The following MARVELD2 variants were observed in gnomAD, a reference collection of about 807,000 sequenced individuals.
MARVELD2 encodes MARVEL domain-containing protein 2.
A neutral mutation model predicts 57.6 loss-of-function variants in MARVELD2; 49 were observed. That is an observed-to-expected ratio of 0.85 (90% CI 0.68 to 1.08). The LOEUF (loss-of-function observed/expected upper bound fraction) is 1.08, where lower values mean the gene tolerates loss of function less well. Ranked by LOEUF, MARVELD2 falls within the 50% of genes least tolerant of loss-of-function variation. The pLI, the probability that MARVELD2 is intolerant of heterozygous loss-of-function variation, is 0.00. For synonymous variants in MARVELD2, 238 were observed against 258.8 expected, an observed-to-expected ratio of 0.92 and a Z score of 0.77; for missense variants, 606 against 701.1, an observed-to-expected ratio of 0.86 and a Z score of 1.53.
At chr5:69,431,104 C>T (rs1766949272) in intron 3 of MARVELD2, among the ~76,000 whole-genome samples, 1 of 150,156 alleles carries the variant, frequency 6.7e-6, no homozygotes, top group Non-Finnish European at 1.5e-5. Flanking sequence ...CTCAACCTCA[C>T]TTCTTTTCTT....
intron 1 of MARVELD2, chr5:69,415,480 A>C (rs1040966961): frequency 6.6e-6 from 1 of 152,138 alleles, no homozygotes; most frequent in Non-Finnish European, 1.5e-5. Context: ...CTCCAAAGAC[A>C]GTGGGTTTCA....
At chr5:69,430,687 CCA>C (rs1766934172) in intron 3 of MARVELD2, among the ~76,000 whole-genome samples, 1 of 151,762 alleles carries the variant, frequency 6.6e-6, no homozygotes, top group South Asian at 2.1e-4. Flanking sequence ...GCGCACACCA[CCA>C]CATCCGGCTA....
intron 5 of MARVELD2, among the ~76,000 whole-genome samples, chr5:69,438,558 G>A (rs1767227082): frequency 6.6e-6 from 1 of 150,924 alleles, no homozygotes; most frequent in Admixed American, 6.6e-5. Flanking sequence ...GATGAGCTTG[G>A]GCAACATAGC....
At chr5:69,428,216 T>A (rs1475369171) in intron 3 of MARVELD2, among the ~76,000 whole-genome samples, 1 of 112,168 alleles carries the variant, frequency 8.9e-6, no homozygotes, top group East Asian at 2.6e-4. Flanking sequence ...TAAAAAAAAA[T>A]TTAGGCCGGG....
rs1226131857 is a variant in MARVELD2, at chr5:69,442,856, T to C, written c.*1202T>C. 1.4e-5 allele frequency: 2 copies of C among 138,880 alleles called. No individual in the cohort carries two copies. Among genetic ancestry groups the C allele is most frequent in the Non-Finnish European group, 3.1e-5 (2 of 65,046 alleles). 8.6% of individuals were successfully genotyped at this position (138,880 alleles called of 1,614,324 possible). ...TTTTTTTTTTTTTTGTGAGACAGAGTCTTACTCTGTTGCCCAGACTGGAGT... is the reference window on the plus strand; with the variant it reads ...TTTTTTTTTTTTTTGTGAGACAGAGCCTTACTCTGTTGCCCAGACTGGAGT... On this transcript the variant is annotated 3_prime_UTR_variant, in exon 7 of 7. Transcript: ENST00000325631.
At position 69,432,963 on chromosome 5, in the gene MARVELD2, A is replaced by G. The variant is rs1767012320; in HGVS notation, c.1373A>G (p.Tyr458Cys). ...VIQTDDERERYKAVFQDQFSE... is the reference protein window; with the variant it reads ...VIQTDDERERCKAVFQDQFSE... ...CAGACAGATGATGAGCGAGAACGCT[A>G]TAAAGCTGTGTTCCAAGACCAGTTT... The change falls in exon 5 of 7, where the codon TAT becomes TGT. Residue 458 changes from tyrosine to cysteine, a missense_variant. Transcript: ENST00000325631. 1 of 1,614,196 alleles carries G rather than the reference A, an allele frequency of 6.2e-7. No individual in the cohort carries two copies. Among genetic ancestry groups the G allele is most frequent in the Non-Finnish European group, 8.5e-7 (1 of 1,180,038 alleles).
intron 5 of MARVELD2, among the ~76,000 whole-genome samples, chr5:69,435,318 T>G: frequency 6.6e-6 from 1 of 151,988 alleles, no homozygotes; most frequent in East Asian, 1.9e-4. Context: ...CCGGCCCAGA[T>G]GTACTCTTTT....
Position 69,416,234 on chromosome 5 carries a change from CTA to C in MARVELD2, c.-16+1065_-16+1066del, listed in dbSNP as rs112357665. Reference sequence around the variant, plus strand: ...ATTTCTTAGGAATGTGTTTCAAAAACTAGAGTCGTAATAGCATTTCTAGAACT... The same window carrying C: ...ATTTCTTAGGAATGTGTTTCAAAAACGAGTCGTAATAGCATTTCTAGAACT... On this transcript the variant is annotated intron_variant, in intron 1 of 6. Transcript: ENST00000325631. Among the ~76,000 whole-genome samples, 382 of 152,266 alleles carry C rather than the reference CTA, an allele frequency of 2.5e-3. 4 individuals are homozygous for C. Among genetic ancestry groups the C allele is most frequent in the African/African-American group, 8.9e-3 (368 of 41,562 alleles).
At chr5:69,418,517 T>C (rs983814982) in intron 1 of MARVELD2, among the ~76,000 whole-genome samples, 1 of 152,220 alleles carries the variant, frequency 6.6e-6, no homozygotes, top group Non-Finnish European at 1.5e-5. Flanking sequence ...GTAATGGTCA[T>C]TGCTGCCATT....
chr5:69,421,332 G>T (rs1019328821), intron 2 of MARVELD2, among the ~76,000 whole-genome samples: 9 of 152,236 alleles, frequency 5.9e-5, no homozygotes, highest in Non-Finnish European at 1.3e-4. Context: ...TTGATATTTT[G>T]CCTTCTTCCA....
At position 69,431,117 on chromosome 5, in the gene MARVELD2, CT is replaced by C. The variant is rs1316832807; in HGVS notation, c.1183-1395del. ...GCCTCAACCTCACTTCTTTTCTTTT[CT>C]TTTTTTTTTTTTTTGAGACAGAGTC... On this transcript the variant is annotated intron_variant, in intron 3 of 6. Transcript: ENST00000325631. Among the ~76,000 whole-genome samples the C allele has an allele frequency of 9.5e-3, 1,265 of 132,612 alleles. 9 individuals are homozygous for C. Among genetic ancestry groups the C allele is most frequent in the African/African-American group, 0.028 (1,020 of 36,450 alleles). The allele number at this position is 132,612 out of a possible 152,430, so 87.0% of individuals were successfully genotyped here. A position where few individuals can be genotyped will look rare whatever the true frequency, so the allele number is the denominator to read the frequency against.
intron 1 of MARVELD2, among the ~76,000 whole-genome samples, chr5:69,417,847 G>C (rs1174436428): frequency 6.6e-6 from 1 of 151,450 alleles, no homozygotes; most frequent in Non-Finnish European, 1.5e-5. Flanking sequence ...GCTGAGGCAG[G>C]AGAATGGCAT....
intron 5 of MARVELD2, among the ~76,000 whole-genome samples, chr5:69,436,355 A>C (rs1767136379): frequency 6.6e-6 from 1 of 151,250 alleles, no homozygotes; most frequent in African/African-American, 2.4e-5. Context: ...AGCCAAAAAA[A>C]ACCAAAAAAC....
chr5:69,416,480 A>C (rs552372750), intron 1 of MARVELD2, among the ~76,000 whole-genome samples: 46 of 152,176 alleles, frequency 3.0e-4, no homozygotes, highest in African/African-American at 1.0e-3. Context: ...CTCTACCTGG[A>C]TTTTTAACGC....
chr5:69,426,374 G>A lies in MARVELD2; in HGVS notation c.1182+1738G>A, dbSNP rs998306584. Among the ~76,000 whole-genome samples the A allele has an allele frequency of 6.0e-5, 8 of 132,486 alleles. No individual in the cohort carries two copies. The South Asian group carries it at 1.7e-3, about 28-fold the overall frequency. The allele number at this position is 132,486 out of a possible 152,430, so 86.9% of individuals were successfully genotyped here. On this transcript the variant is annotated intron_variant, in intron 3 of 6. Transcript: ENST00000325631. ...TTTTTAGACAGAGTCTTGCTCTGTC[G>A]CCCAGGCTGGAGTGCAGTGGTGCGA...
rs538355586 is a variant in MARVELD2 at position 69,420,157 on chromosome 5, G to T, written c.772G>T (p.Val258Leu). The change falls in exon 2 of 7, where the codon GTG becomes TTG. Residue 258 changes from valine (V) to leucine (L), a missense_variant. Val to Leu is a conservative substitution (Grantham distance 32). Transcript: ENST00000325631. ...YTGPKTPFVL[V>L]VAGLAWITTI... is the part of the protein sequence containing the mutation. ...TGGCCCTAAGACCCCTTTTGTACTC[G>T]TGGTTGCTGGATTAGCTTGGATCAC... 1.9e-6 allele frequency: 3 copies of T among 1,614,016 alleles called. No homozygotes were observed. The highest frequency in any genetic ancestry group is 2.2e-5 in the East Asian group (1 of 44,894).
At chr5:69,426,320 C>CATTATTATTAGTATT (rs1766791263) in intron 3 of MARVELD2, among the ~76,000 whole-genome samples, 2 of 140,116 alleles carry the variant, frequency 1.4e-5, no homozygotes, top group South Asian at 4.6e-4. Context: ...AGATACTGGA[C>CATTATTATTAGTATT]ATTATTATTA....
intron 1 of MARVELD2, among the ~76,000 whole-genome samples, chr5:69,415,891 C>T (rs950884145): frequency 6.6e-6 from 1 of 152,226 alleles, no homozygotes; most frequent in Non-Finnish European, 1.5e-5. Context: ...CTGCCGCGAC[C>T]TGCGGGACCA....
rs1767394911 is a variant in MARVELD2 at position 69,443,926 on chromosome 5, C to A, written c.*2272C>A. On this transcript the variant is annotated 3_prime_UTR_variant, in exon 7 of 7. Coordinates refer to ENST00000325631, the MANE Select transcript of MARVELD2 (RefSeq NM_001038603.3). ...GGGAAACATGAGGCCCCTTATGGGA[C>A]CCCCCAAATGGAACAACTTCACTTT... 7.1e-6 allele frequency: 1 copy of A among 140,624 alleles called. No homozygotes were observed. Among genetic ancestry groups the A allele is most frequent in the Non-Finnish European group, 1.5e-5 (1 of 66,154 alleles). 8.7% of individuals were successfully genotyped at this position (140,624 alleles called of 1,614,324 possible).
Sources: allele counts gnomAD v4.1 joint callset (sites outside exome capture counted in the v4.1 genomes callset), GRCh38; gene constraint gnomAD v4.1.1; transcripts MANE v1.5; gene names NCBI Gene and HGNC (gene_info 2026-07-23, HGNC 2026-07-21).